DRC2: variants seen among roughly 807,000 people sequenced by gnomAD.
DRC2 encodes dynein regulatory complex subunit 2, also known as coiled-coil domain containing 65.
At chr12:48,913,961 G>C in the DRC2 span, among the ~76,000 whole-genome samples, 1 of 123,872 alleles carries the variant, frequency 8.1e-6, no homozygotes, top group Non-Finnish European at 1.6e-5. Context: ...ACAGGGTCTT[G>C]TTCTGTCACC....
At chr12:48,918,898 G>T in the DRC2 span, 18,257 of 1,610,524 alleles carry the variant, frequency 0.011, 124 homozygotes, top group Non-Finnish European at 0.014. Context: ...AAAGATTGTT[G>T]ATAAGGTAAC....
At chr12:48,919,218 CTACTTT>C in the DRC2 span, among the ~76,000 whole-genome samples, 1 of 138,842 alleles carries the variant, frequency 7.2e-6, no homozygotes, top group East Asian at 2.2e-4. Context: ...GAGCCCCTTC[CTACTTT>C]TTTTTTTTTT....
chr12:48,921,534 A>G, the DRC2 span: 2 of 1,311,162 alleles, frequency 1.5e-6, no homozygotes, highest in South Asian at 2.9e-5. Flanking sequence ...TTTTTTTTTG[A>G]GAAATGTAGG....
At chr12:48,911,443 A>C in the DRC2 span, among the ~76,000 whole-genome samples, 1 of 152,102 alleles carries the variant, frequency 6.6e-6, no homozygotes, top group Non-Finnish European at 1.5e-5. Context: ...CTGTAGTCCC[A>C]GCTACTCAGG....
chr12:48,919,302 C>T, the DRC2 span, among the ~76,000 whole-genome samples: 1 of 151,356 alleles, frequency 6.6e-6, no homozygotes, highest in Non-Finnish European at 1.5e-5. Context: ...TCTTGGCTCA[C>T]TGCAACCTCT....
chr12:48,905,273 G>T, the DRC2 span, among the ~76,000 whole-genome samples: 1 of 152,084 alleles, frequency 6.6e-6, no homozygotes. Context: ...AGAATATTGG[G>T]CTTTCATCCC....
At chr12:48,904,191 C>T in the DRC2 span, 1 of 1,050,280 alleles carries the variant, frequency 9.5e-7, no homozygotes, top group Non-Finnish European at 1.4e-6. Context: ...CTCTCCTGTT[C>T]GAGGGCTGAG....
the DRC2 span, among the ~76,000 whole-genome samples, chr12:48,920,315 C>T: frequency 6.7e-6 from 1 of 149,782 alleles, no homozygotes; most frequent in African/African-American, 2.4e-5. Context: ...GTGGCACATG[C>T]CTGTAATCCC....
chr12:48,917,282 C>CT, the DRC2 span, among the ~76,000 whole-genome samples: 2 of 130,126 alleles, frequency 1.5e-5, no homozygotes, highest in African/African-American at 2.8e-5. Flanking sequence ...GAGTCCCCCC[C>CT]ATCTCTACCG....
chr12:48,905,053 C>A, the DRC2 span: 2 of 1,613,964 alleles, frequency 1.2e-6, no homozygotes, highest in Admixed American at 3.3e-5. Context: ...TTCATAAGGA[C>A]ATTGAGATCC....
At chr12:48,916,364 G>A in the DRC2 span, among the ~76,000 whole-genome samples, 36 of 152,312 alleles carry the variant, frequency 2.4e-4, no homozygotes, top group East Asian at 3.5e-3. Context: ...TCGGGAGGCC[G>A]AGGCTGGCGG....
the DRC2 span, chr12:48,918,955 G>A: frequency 1.4e-6 from 2 of 1,445,986 alleles, no homozygotes; most frequent in Admixed American, 3.6e-5. Flanking sequence ...CTGCCTCCCT[G>A]CAAAGTGAAA....
chr12:48,919,221 CT>C, the DRC2 span, among the ~76,000 whole-genome samples: 65,356 of 144,568 alleles, frequency 0.45, 14,434 homozygotes, highest in Middle Eastern at 0.56. Context: ...CCCCTTCCTA[CT>C]TTTTTTTTTT....
At chr12:48,908,525 A>C in the DRC2 span, among the ~76,000 whole-genome samples, 1 of 151,094 alleles carries the variant, frequency 6.6e-6, no homozygotes, top group Non-Finnish European at 1.5e-5. Flanking sequence ...CCTGTTTTCC[A>C]CCCTTCACAT....
the DRC2 span, chr12:48,905,015 G>GTCCT: frequency 1.2e-6 from 2 of 1,613,988 alleles, no homozygotes; most frequent in Admixed American, 3.3e-5. Context: ...GTGGAGAACT[G>GTCCT]TCCTTCGGGA....
the DRC2 span, among the ~76,000 whole-genome samples, chr12:48,908,741 C>T: frequency 6.6e-6 from 1 of 152,034 alleles, no homozygotes; most frequent in Non-Finnish European, 1.5e-5. Flanking sequence ...GCTGGGATTA[C>T]AGGTGCATGC....
the DRC2 span, among the ~76,000 whole-genome samples, chr12:48,913,793 C>A: frequency 6.6e-6 from 1 of 151,448 alleles, no homozygotes; most frequent in Non-Finnish European, 1.5e-5. Flanking sequence ...CCGCACCCGG[C>A]ATTTTTGTAT....
At chr12:48,904,979 C>T in the DRC2 span, 20 of 1,612,902 alleles carry the variant, frequency 1.2e-5, no homozygotes, top group Non-Finnish European at 1.6e-5. Context: ...CAACAGTGCT[C>T]TGAACCTTAA....
chr12:48,920,986 A>G, the DRC2 span: 1 of 1,613,896 alleles, frequency 6.2e-7, no homozygotes, highest in East Asian at 2.2e-5. Flanking sequence ...CCGAAGAAGA[A>G]AAAGTGCTGC....
Sources: gnomAD v4.1 joint callset for allele counts (sites outside exome capture counted in the v4.1 genomes callset) on GRCh38, gnomAD v4.1.1 for gene constraint, MANE v1.5 for transcripts, NCBI Gene and HGNC (gene_info 2026-07-23, HGNC 2026-07-21) for gene names.